PAX5: variants seen among roughly 807,000 people sequenced by gnomAD.
PAX5 encodes paired box 5.
A neutral mutation model predicts 43.7 loss-of-function variants in PAX5; 9 were observed. The observed-to-expected ratio is 0.21, with a 90% CI of 0.12 to 0.36. The LOEUF (loss-of-function observed/expected upper bound fraction) is 0.36. PAX5 is among the 10% of genes least tolerant of loss of function. The probability of loss-of-function intolerance (pLI) is 1.00; values close to 1 mark genes in which losing one functional copy is unlikely to be tolerated. For synonymous variants in PAX5, 228 were observed against 214.3 expected (o/e 1.06, Z -0.56); for missense variants, 383 against 532.7 (o/e 0.72, Z 2.77).
intron 5 of PAX5, among the ~76,000 whole-genome samples, chr9:36,990,431 G>A (rs1836829637): frequency 6.6e-6 from 1 of 152,222 alleles, no homozygotes. Flanking sequence ...AGAGGGCCTG[G>A]CAGCCTTGTT....
chr9:36,880,026 A>G (rs1036384099), intron 8 of PAX5, among the ~76,000 whole-genome samples: 1 of 152,224 alleles, frequency 6.6e-6, no homozygotes, highest in African/African-American at 2.4e-5. Context: ...CATGTGTCTC[A>G]TATTTAAAAG....
chr9:36,903,723 G>A (rs1828588607), intron 7 of PAX5, among the ~76,000 whole-genome samples: 1 of 152,252 alleles, frequency 6.6e-6, no homozygotes, highest in East Asian at 1.9e-4. Flanking sequence ...GTCTGAGCAG[G>A]AGGCTGACCT....
intron 1 of PAX5, chr9:37,026,577 G>T (rs761947907): frequency 3.0e-6 from 4 of 1,344,516 alleles, no homozygotes; most frequent in South Asian, 1.2e-5. Flanking sequence ...TATTTCCATC[G>T]GGGCGCTCCA....
At chr9:36,961,712 C>A (rs751910943) in intron 6 of PAX5, among the ~76,000 whole-genome samples, 23 of 152,180 alleles carry the variant, frequency 1.5e-4, no homozygotes, top group Non-Finnish European at 2.9e-4. Context: ...CTGTGGCCGC[C>A]GGAGGAGGGA....
intron 5 of PAX5, among the ~76,000 whole-genome samples, chr9:36,983,468 T>C (rs1836112259): frequency 6.6e-6 from 1 of 152,246 alleles, no homozygotes; most frequent in Middle Eastern, 3.2e-3. Flanking sequence ...TTTACTTTTC[T>C]TTCCCCTTTT....
In PAX5 at chr9:36,837,152, G is replaced by A. The variant is rs1433088485; in HGVS notation, c.*3408C>T. 4 of 233,120 alleles carry A rather than the reference G, an allele frequency of 1.7e-5. No individual in the cohort carries two copies. Among genetic ancestry groups the A allele is most frequent in the South Asian group, 1.8e-4 (1 of 5,504 alleles). The allele number at this position is 233,120 out of a possible 1,614,324, so 14.4% of individuals were successfully genotyped here. ...CCCATGACAGGAGCACAACTCGGTG[G>A]AGAGAGAATGGGGCCTGGAGATCTG... On this transcript the variant is annotated 3_prime_UTR_variant, in exon 10 of 10. Coordinates refer to ENST00000358127, the MANE Select transcript of PAX5 (RefSeq NM_016734.3).
intron 8 of PAX5, among the ~76,000 whole-genome samples, chr9:36,876,419 C>A (rs1374615856): frequency 6.6e-6 from 1 of 152,120 alleles, no homozygotes; most frequent in Non-Finnish European, 1.5e-5. Flanking sequence ...GGATGGGGCA[C>A]CCACCGGTTC....
intron 8 of PAX5, among the ~76,000 whole-genome samples, chr9:36,858,523 T>G (rs905411005): frequency 6.6e-6 from 1 of 152,112 alleles, no homozygotes; most frequent in African/African-American, 2.4e-5. Context: ...CCCAAATGAC[T>G]CTTTGCTTGT....
Position 37,034,037 on chromosome 9 carries a change from T to G in PAX5, c.-6A>C. ...TAATTTTTCTCTAAATCCATTTTGATTTTTCAGGACTTGATGGAATGGACA... is the reference window on the plus strand; with the variant it reads ...TAATTTTTCTCTAAATCCATTTTGAGTTTTCAGGACTTGATGGAATGGACA... On this transcript the variant is annotated 5_prime_UTR_variant, in exon 1 of 10. Transcript: ENST00000358127. 6.2e-7 allele frequency: 1 copy of G among 1,602,622 alleles called. No individual in the cohort carries two copies. Among genetic ancestry groups the G allele is most frequent in the Non-Finnish European group, 8.5e-7 (1 of 1,171,894 alleles).
chr9:36,941,295 G>A (rs7047533), intron 6 of PAX5, among the ~76,000 whole-genome samples: 35,356 of 152,098 alleles, frequency 0.23, 4,544 homozygotes, highest in East Asian at 0.57. Flanking sequence ...TAAATGAGAT[G>A]ATGTGTGCCA....
At chr9:37,032,681 G>A (rs1036929972) in intron 1 of PAX5, among the ~76,000 whole-genome samples, 3 of 152,326 alleles carry the variant, frequency 2.0e-5, no homozygotes, top group Non-Finnish European at 4.4e-5. Flanking sequence ...AGAGATGGGG[G>A]AAGGGGGCTT....
intron 5 of PAX5, among the ~76,000 whole-genome samples, chr9:36,998,753 C>T (rs188475380): frequency 1.4e-3 from 211 of 152,294 alleles, no homozygotes; most frequent in Non-Finnish European, 2.2e-3. Flanking sequence ...AACTGTCAAA[C>T]GTTTCGCATC....
intron 7 of PAX5, among the ~76,000 whole-genome samples, chr9:36,896,709 G>T (rs1414004712): frequency 1.3e-5 from 2 of 152,164 alleles, no homozygotes; most frequent in Non-Finnish European, 1.5e-5. Flanking sequence ...CTGGGTCTCG[G>T]TTTCCACTTT....
chr9:37,015,292 C>T lies in PAX5; in HGVS notation c.213-98G>A, dbSNP rs1839296106. ...TACTCTGGCCAGGAAACGTCCGGAT[C>T]TGCACGTTCCAATACAGTAGCCACC... On this transcript the variant is annotated intron_variant, in intron 2 of 9. Coordinates refer to ENST00000358127, the MANE Select transcript of PAX5 (RefSeq NM_016734.3). The surrounding 1 kb of genome is among the most constrained non-coding windows in gnomAD (Gnocchi z 4.4). The T allele has an allele frequency of 9.8e-7, 1 of 1,025,012 alleles. No individual in the cohort carries two copies. The highest frequency in any genetic ancestry group is 1.9e-5 in the Admixed American group (1 of 53,136). The allele number at this position is 1,025,012 out of a possible 1,614,324, so 63.5% of individuals were successfully genotyped here. A position where few individuals can be genotyped will look rare whatever the true frequency, so the allele number is the denominator to read the frequency against.
At position 36,837,220 on chromosome 9, in the gene PAX5, T is replaced by C. The variant is rs1010819691; in HGVS notation, c.*3340A>G. The C allele has an allele frequency of 2.6e-5, 6 of 233,112 alleles. No homozygotes were observed. Among genetic ancestry groups the C allele is most frequent in the African/African-American group, 8.8e-5 (4 of 45,434 alleles). 14.4% of individuals were successfully genotyped at this position (233,112 alleles called of 1,614,324 possible). A position where few individuals can be genotyped will look rare whatever the true frequency, so the allele number is the denominator to read the frequency against. ...TATGTTGCCGTGAGAGCCCCAAATG[T>C]CAATTTCCCCGTCTATAAAGTAGGC... On this transcript the variant is annotated 3_prime_UTR_variant, in exon 10 of 10. Coordinates refer to ENST00000358127, the MANE Select transcript of PAX5 (RefSeq NM_016734.3).
intron 8 of PAX5, among the ~76,000 whole-genome samples, chr9:36,855,427 A>T (rs890950692): frequency 1.5e-4 from 23 of 152,190 alleles, no homozygotes; most frequent in African/African-American, 5.5e-4. Context: ...AGTTTAATCC[A>T]TTCTGCTGCT....
rs539276582 is a variant in PAX5 at position 37,019,781 on chromosome 9, T to C, written c.212+855A>G. 4.6e-5 allele frequency among the ~76,000 whole-genome samples: 7 copies of C among 152,246 alleles called. No individual in the cohort carries two copies. In the East Asian group the frequency reaches 1.4e-3, roughly 29 times the overall value. ...AGGGCAGACCTAAAACAAGATCACA[T>C]GCCCAGAAACAAACCTGTGGCTTTG... On this transcript the variant is annotated intron_variant, in intron 2 of 9. Coordinates refer to ENST00000358127, the MANE Select transcript of PAX5 (RefSeq NM_016734.3).
intron 8 of PAX5, among the ~76,000 whole-genome samples, chr9:36,872,867 C>G (rs1825609219): frequency 1.3e-5 from 2 of 152,210 alleles, no homozygotes; most frequent in African/African-American, 4.8e-5. Context: ...CAGCCTCATG[C>G]CCAGAGGTTT....
chr9:37,020,918 T>A, intron 1 of PAX5, 117 bp from the exon 2 acceptor site: 1 of 1,063,550 alleles, frequency 9.4e-7, no homozygotes, highest in Non-Finnish European at 1.4e-6. Context: ...GCAGGCTGGA[T>A]GTCTCGCGCC....
Sources: allele counts gnomAD v4.1 joint callset (sites outside exome capture counted in the v4.1 genomes callset), GRCh38; gene constraint gnomAD v4.1.1; non-coding constraint Gnocchi (gnomAD v3.1); transcripts MANE v1.5; gene names NCBI Gene and HGNC (gene_info 2026-07-23, HGNC 2026-07-21).